Variants in PRKG1 observed in about 807,000 individuals in gnomAD.
The protein encoded by PRKG1 is protein kinase cGMP-dependent 1, also known as cGMP-dependent protein kinase 1.
PRKG1 carries 35 observed loss-of-function variants against 88.1 expected under a neutral mutation model. The ratio of observed to expected loss-of-function variants is 0.40; its 90% CI spans 0.30 to 0.53. The LOEUF (loss-of-function observed/expected upper bound fraction) is 0.53, where lower values mean the gene tolerates loss of function less well. PRKG1 is among the 20% of genes least tolerant of loss of function. PRKG1 has a pLI of 0.59. For synonymous variants in PRKG1, 303 were observed against 292.5 expected (o/e 1.04, Z -0.37); for missense variants, 540 against 839.8 (o/e 0.64, Z 4.41).
intron 2 of PRKG1, among the ~76,000 whole-genome samples, chr10:51,276,905 G>T (rs1038461916): frequency 3.3e-5 from 5 of 152,148 alleles, no homozygotes; most frequent in Non-Finnish European, 5.9e-5. Context: ...CTCCCATTCT[G>T]TAGGTTGCCT....
chr10:51,299,769 T>A, intron 2 of PRKG1: 1 of 359,876 alleles, frequency 2.8e-6, no homozygotes. Context: ...TTATACCTCA[T>A]GTGGCGTAAC....
At chr10:51,733,188 A>G (rs1837166520) in intron 3 of PRKG1, among the ~76,000 whole-genome samples, 1 of 152,198 alleles carries the variant, frequency 6.6e-6, no homozygotes, top group Admixed American at 6.5e-5. Flanking sequence ...TCCAAATTCC[A>G]TCACACTGGG....
At chr10:51,460,816 A>C (rs559395271) in intron 2 of PRKG1, among the ~76,000 whole-genome samples, 1 of 152,242 alleles carries the variant, frequency 6.6e-6, no homozygotes, top group South Asian at 2.1e-4. Flanking sequence ...GCTGCAATAT[A>C]AGTTTCTCAT....
intron 2 of PRKG1, among the ~76,000 whole-genome samples, chr10:51,408,785 G>A (rs954777326): frequency 6.6e-6 from 1 of 152,206 alleles, no homozygotes; most frequent in African/African-American, 2.4e-5. Context: ...GATGGCTGGG[G>A]AAAGTGGCTG....
chr10:51,182,440 C>T (rs561160756), intron 2 of PRKG1, among the ~76,000 whole-genome samples: 2 of 152,264 alleles, frequency 1.3e-5, no homozygotes, highest in South Asian at 4.1e-4. Context: ...TTACTGTAGC[C>T]ACTTCCCTTT....
At chr10:51,952,883 T>G (rs1589451412) in intron 5 of PRKG1, among the ~76,000 whole-genome samples, 1 of 152,198 alleles carries the variant, frequency 6.6e-6, no homozygotes, top group South Asian at 2.1e-4. Context: ...ATCTTAACCA[T>G]TCTGTTGCCA....
intron 2 of PRKG1, among the ~76,000 whole-genome samples, chr10:51,460,385 G>A (rs1437593420): frequency 6.6e-6 from 1 of 152,112 alleles, no homozygotes; most frequent in Non-Finnish European, 1.5e-5. Context: ...AATTGAAGGT[G>A]CTCATGTATT....
chr10:51,551,001 C>T (rs1306635571), intron 3 of PRKG1, among the ~76,000 whole-genome samples: 1 of 151,774 alleles, frequency 6.6e-6, no homozygotes, highest in African/African-American at 2.4e-5. Context: ...AATACATGTC[C>T]AAATTCAGGC....
chr10:51,955,237 C>T (rs2133060089), intron 5 of PRKG1, among the ~76,000 whole-genome samples: 1 of 152,188 alleles, frequency 6.6e-6, no homozygotes, highest in South Asian at 2.1e-4. Context: ...CTATTGGCAA[C>T]ACTTTCCACG....
chr10:51,239,317 A>C (rs1839088564), intron 2 of PRKG1, among the ~76,000 whole-genome samples: 1 of 152,210 alleles, frequency 6.6e-6, no homozygotes, highest in Non-Finnish European at 1.5e-5. Flanking sequence ...TTTTCTAAGA[A>C]AGTAAAAAAA....
intron 5 of PRKG1, among the ~76,000 whole-genome samples, chr10:52,013,922 G>T (rs1346828416): frequency 6.6e-6 from 1 of 151,902 alleles, no homozygotes; most frequent in Non-Finnish European, 1.5e-5. Context: ...CTCTATCTTG[G>T]GTGCTCATTC....
intron 3 of PRKG1, among the ~76,000 whole-genome samples, chr10:51,534,496 G>A (rs536137756): frequency 2.2e-4 from 33 of 151,748 alleles, no homozygotes; most frequent in South Asian, 1.0e-3. Flanking sequence ...GTGAAACCTC[G>A]TCTCTCCTAA....
intron 12 of PRKG1, among the ~76,000 whole-genome samples, chr10:52,276,447 GT>G (rs1841876659): frequency 1.3e-5 from 2 of 152,106 alleles, no homozygotes; most frequent in South Asian, 2.1e-4. Context: ...CTTAGCTCCT[GT>G]TACATTCTGA....
intron 10 of PRKG1, chr10:52,252,226 C>A (rs1201137376): frequency 1.3e-5 from 2 of 152,108 alleles, no homozygotes; most frequent in African/African-American, 4.8e-5. Context: ...TACACATATA[C>A]ATACATCTAT....
At chr10:52,076,626 T>C (rs1390733287) in intron 7 of PRKG1, among the ~76,000 whole-genome samples, 1 of 152,188 alleles carries the variant, frequency 6.6e-6, no homozygotes, top group East Asian at 1.9e-4. Context: ...ACAAACACTA[T>C]TTAAAGTAGG....
At chr10:51,257,472 C>T (rs1202456170) in intron 2 of PRKG1, among the ~76,000 whole-genome samples, 2 of 152,044 alleles carry the variant, frequency 1.3e-5, no homozygotes, top group Non-Finnish European at 2.9e-5. Flanking sequence ...GACAGAAATG[C>T]ATCAGAAACT....
intron 2 of PRKG1, among the ~76,000 whole-genome samples, chr10:51,405,945 T>C (rs1413587155): frequency 6.6e-6 from 1 of 152,162 alleles, no homozygotes. Context: ...AACAGAGCTG[T>C]CATGAAGACA....
intron 2 of PRKG1, among the ~76,000 whole-genome samples, chr10:51,394,152 A>G (rs1223617754): frequency 6.6e-6 from 1 of 152,100 alleles, no homozygotes; most frequent in African/African-American, 2.4e-5. Flanking sequence ...AAAAACAATC[A>G]CTTTATTATC....
chr10:51,179,235 G>C (rs1013429931), intron 2 of PRKG1, among the ~76,000 whole-genome samples: 1 of 152,204 alleles, frequency 6.6e-6, no homozygotes. Flanking sequence ...TGTAGAACAT[G>C]CACTAGCTTT....
Sources: gnomAD v4.1 joint callset for allele counts (sites outside exome capture counted in the v4.1 genomes callset) on GRCh38, gnomAD v4.1.1 for gene constraint, MANE v1.5 for transcripts, NCBI Gene and HGNC (gene_info 2026-07-23, HGNC 2026-07-21) for gene names.